Variants in ANK2 observed in about 807,000 individuals in gnomAD.
The protein encoded by ANK2 is ankyrin-2.
A neutral mutation model predicts 360.5 loss-of-function variants in ANK2; 83 were observed. The ratio of observed to expected loss-of-function variants is 0.23; its 90% CI spans 0.19 to 0.28. The LOEUF (loss-of-function observed/expected upper bound fraction) is 0.28. Ranked by LOEUF, ANK2 falls within the 10% of genes least tolerant of loss-of-function variation. The pLI is 1.00. For synonymous variants in ANK2, 1,740 were observed against 1,759.5 expected, an observed-to-expected ratio of 0.99 and a Z score of 0.28; for missense variants, 4,201 against 4,795.7, an observed-to-expected ratio of 0.88 and a Z score of 3.66.
chr4:113,084,014 G>A (rs1265414778), intron 1 of ANK2, among the ~76,000 whole-genome samples: 1 of 152,096 alleles, frequency 6.6e-6, no homozygotes, highest in African/African-American at 2.4e-5. Flanking sequence ...TCTGATTTGC[G>A]ATTGTTCGGG....
chr4:112,955,666 C>A (rs779790695), intron 2 of ANK2, among the ~76,000 whole-genome samples: 1 of 151,886 alleles, frequency 6.6e-6, no homozygotes, highest in African/African-American at 2.4e-5. Flanking sequence ...ATGAATGTTA[C>A]TTATTGAAAA....
At chr4:112,771,851 C>G in the ANK2 span, among the ~76,000 whole-genome samples, 1 of 152,162 alleles carries the variant, frequency 6.6e-6, no homozygotes, top group African/African-American at 2.4e-5. Flanking sequence ...TCCCAAAGTG[C>G]TGAGATTACA....
At chr4:112,966,627 A>G (rs949552725) in intron 2 of ANK2, among the ~76,000 whole-genome samples, 6 of 152,088 alleles carry the variant, frequency 3.9e-5, no homozygotes, top group African/African-American at 1.4e-4. Context: ...TGTTATGGTG[A>G]ACATTTTTGT....
Position 113,330,487 on chromosome 4 carries a change from A to C in ANK2, c.3125+17A>C. 6.2e-7 allele frequency: 1 copy of C among 1,612,528 alleles called. No homozygotes were observed. Among genetic ancestry groups the C allele is most frequent in the South Asian group, 1.1e-5 (1 of 91,044 alleles). ...GTTCCTTGGGTAAGGGTTTCTGATA[A>C]ACCTCCCACTTAGTCATCGATGAGC... is the stretch of plus-strand genomic sequence containing the variant. On this transcript the variant is annotated intron_variant, in intron 27 of 45. Transcript: ENST00000357077.
chr4:113,113,454 G>A (rs1317263254), intron 1 of ANK2, among the ~76,000 whole-genome samples: 2 of 152,188 alleles, frequency 1.3e-5, no homozygotes, highest in Non-Finnish European at 2.9e-5. Context: ...GTGCTGGACA[G>A]TGAGGACAGC....
chr4:112,960,856 A>G (rs2034441972), intron 2 of ANK2, among the ~76,000 whole-genome samples: 1 of 152,098 alleles, frequency 6.6e-6, no homozygotes, highest in Non-Finnish European at 1.5e-5. Context: ...ATTGAGAGAT[A>G]GCATCATTAC....
the ANK2 span, among the ~76,000 whole-genome samples, chr4:112,800,909 C>A: frequency 1.3e-5 from 2 of 152,268 alleles, 1 homozygote; most frequent in East Asian, 3.9e-4. Context: ...CCCACCCCGA[C>A]CTCCCAAAGT....
chr4:112,786,903 C>T, the ANK2 span, among the ~76,000 whole-genome samples: 4 of 151,942 alleles, frequency 2.6e-5, no homozygotes, highest in Admixed American at 6.6e-5. Flanking sequence ...CACGCACCTC[C>T]AGGCCTGGCT....
intron 45 of ANK2, among the ~76,000 whole-genome samples, chr4:113,377,754 T>G (rs773441852): frequency 2.0e-5 from 3 of 152,216 alleles, no homozygotes; most frequent in Non-Finnish European, 4.4e-5. Context: ...ATTTGGGCCT[T>G]GTTTGCTTGT....
At chr4:112,804,316 G>A in the ANK2 span, among the ~76,000 whole-genome samples, 3 of 152,114 alleles carry the variant, frequency 2.0e-5, no homozygotes, top group African/African-American at 4.8e-5. Flanking sequence ...CACCGTGCCC[G>A]GCCAATCTCA....
the ANK2 span, among the ~76,000 whole-genome samples, chr4:112,790,390 T>G: frequency 4.9e-4 from 74 of 152,244 alleles, no homozygotes; most frequent in African/African-American, 1.6e-3. Context: ...TCTACCTTGT[T>G]GATTTCTGAG....
At chr4:112,993,513 G>A (rs1296827964) in intron 2 of ANK2, among the ~76,000 whole-genome samples, 1 of 151,744 alleles carries the variant, frequency 6.6e-6, no homozygotes, top group Non-Finnish European at 1.5e-5. Flanking sequence ...TCACCATTGT[G>A]GCCAGGCTGG....
At chr4:112,987,158 G>A (rs1415311661) in intron 2 of ANK2, among the ~76,000 whole-genome samples, 1 of 152,182 alleles carries the variant, frequency 6.6e-6, no homozygotes, top group Admixed American at 6.5e-5. Flanking sequence ...TCAAAATATT[G>A]CATGGGTCTA....
intron 4 of ANK2, among the ~76,000 whole-genome samples, chr4:113,199,777 C>A (rs970803301): frequency 6.6e-6 from 1 of 152,018 alleles, no homozygotes; most frequent in Non-Finnish European, 1.5e-5. Flanking sequence ...AATTCATTCT[C>A]TCTATTTTTA....
In ANK2 at chr4:112,840,518, C is replaced by T. The variant is rs548714954; in HGVS notation, c.-40+22254C>T. On this transcript the variant is annotated intron_variant, in intron 1 of 30. Coordinates refer to the ANK2 transcript ENST00000503271. ...TGGGTTAGGTTGGGAGTGCTGGATG[C>T]GGGGATAAGGGCCACAGGCTTATAT... is the stretch of plus-strand genomic sequence containing the variant. Among the ~76,000 whole-genome samples, 10 of 152,070 alleles carry T rather than the reference C, an allele frequency of 6.6e-5. No homozygotes were observed. The East Asian group carries it at 7.7e-4, about 12-fold the overall frequency.
intron 2 of ANK2, among the ~76,000 whole-genome samples, chr4:112,929,190 T>TA (rs914213394): frequency 1.8e-4 from 27 of 152,160 alleles, no homozygotes; most frequent in African/African-American, 6.3e-4. Flanking sequence ...CAGGGTAGAA[T>TA]ATGACAACCA....
At chr4:112,986,067 G>T (rs2044738579) in intron 2 of ANK2, among the ~76,000 whole-genome samples, 2 of 105,630 alleles carry the variant, frequency 1.9e-5, no homozygotes, top group South Asian at 7.6e-4. Context: ...ATAAAATTAT[G>T]ATCCATATAT....
chr4:113,175,776 T>C (rs779449319), intron 2 of ANK2, among the ~76,000 whole-genome samples: 3 of 152,148 alleles, frequency 2.0e-5, no homozygotes, highest in Non-Finnish European at 2.9e-5. Flanking sequence ...TTGCAAAGGG[T>C]ACAGGATTTC....
At chr4:113,066,589 C>T (rs1358695569) in intron 1 of ANK2, among the ~76,000 whole-genome samples, 2 of 152,112 alleles carry the variant, frequency 1.3e-5, no homozygotes, top group Non-Finnish European at 2.9e-5. Flanking sequence ...GGCAAGAGCT[C>T]CTGCAAGCTA....
Sources: allele counts gnomAD v4.1 joint callset (sites outside exome capture counted in the v4.1 genomes callset), GRCh38; gene constraint gnomAD v4.1.1; transcripts MANE v1.5; gene names NCBI Gene and HGNC (gene_info 2026-07-23, HGNC 2026-07-21).